DPP4: variants seen among roughly 807,000 people sequenced by gnomAD.
The protein encoded by DPP4 is dipeptidyl peptidase 4, also known as ADCP-2.
A neutral mutation model predicts 122.4 loss-of-function variants in DPP4; 93 were observed. The ratio of observed to expected loss-of-function variants is 0.76; its 90% CI spans 0.64 to 0.90. The LOEUF (loss-of-function observed/expected upper bound fraction) is 0.90. DPP4 is among the 40% of genes least tolerant of loss of function. DPP4 has a pLI of 0.00. For synonymous variants in DPP4, 321 were observed against 302.9 expected, an observed-to-expected ratio of 1.06 and a Z score of -0.62; for missense variants, 914 against 907.3, an observed-to-expected ratio of 1.01 and a Z score of -0.09.
chr2:162,044,239 T>C (rs1163270010), intron 5 of DPP4, among the ~76,000 whole-genome samples: 1 of 152,206 alleles, frequency 6.6e-6, no homozygotes, highest in African/African-American at 2.4e-5. Context: ...AAGATTCCGA[T>C]TCACTTACAG....
chr2:162,043,873 T>A (rs1021882590), intron 5 of DPP4, among the ~76,000 whole-genome samples: 3 of 151,706 alleles, frequency 2.0e-5, no homozygotes, highest in Admixed American at 6.6e-5. Context: ...AAGAAAAAAT[T>A]GAAAATTAGC....
intron 19 of DPP4, 62 bp downstream of exon 19, chr2:162,014,334 G>A (rs1559709121): frequency 1.4e-6 from 2 of 1,380,570 alleles, no homozygotes; most frequent in South Asian, 1.2e-5. Flanking sequence ...TCAGTAAGCT[G>A]CACTGAGAAA....
At chr2:162,043,882 G>T (rs904223156) in intron 5 of DPP4, among the ~76,000 whole-genome samples, 1 of 152,126 alleles carries the variant, frequency 6.6e-6, no homozygotes, top group Non-Finnish European at 1.5e-5. Flanking sequence ...TTGAAAATTA[G>T]CAGGGCATGG....
chr2:162,018,633 T>C, intron 16 of DPP4, 96 bp downstream of exon 16: 1 of 1,476,964 alleles, frequency 6.8e-7, no homozygotes, highest in East Asian at 2.3e-5. Flanking sequence ...ACTTAGGTGA[T>C]TTCAAGAGCT....
chr2:162,037,820 A>G (rs1039634643), intron 8 of DPP4, among the ~76,000 whole-genome samples: 2 of 152,184 alleles, frequency 1.3e-5, no homozygotes, highest in Non-Finnish European at 2.9e-5. Context: ...AAAACAGGAA[A>G]TCATAATTTG....
intron 10 of DPP4, among the ~76,000 whole-genome samples, chr2:162,030,584 CT>C (rs2106114134): frequency 6.6e-6 from 1 of 152,280 alleles, no homozygotes; most frequent in Non-Finnish European, 1.5e-5. Context: ...CGTAACTCAC[CT>C]GGTTTTGCTT....
chr2:162,064,833 A>C (rs748210801), intron 2 of DPP4, among the ~76,000 whole-genome samples: 1 of 152,250 alleles, frequency 6.6e-6, no homozygotes, highest in Non-Finnish European at 1.5e-5. Flanking sequence ...ACTGATTTGC[A>C]ATAAACCCAG....
chr2:162,001,504 T>A (rs1456455406), intron 23 of DPP4, among the ~76,000 whole-genome samples: 2 of 152,218 alleles, frequency 1.3e-5, no homozygotes, highest in African/African-American at 4.8e-5. Flanking sequence ...ACCTACTCTC[T>A]TTTATTTCTC....
intron 2 of DPP4, among the ~76,000 whole-genome samples, chr2:162,060,059 C>A (rs568436595): frequency 8.7e-4 from 132 of 152,280 alleles, no homozygotes; most frequent in Middle Eastern, 6.8e-3. Context: ...TGCACCAAAG[C>A]CACATTTGGA....
intron 2 of DPP4, among the ~76,000 whole-genome samples, chr2:162,051,337 G>A (rs553949901): frequency 6.6e-6 from 1 of 152,260 alleles, no homozygotes; most frequent in East Asian, 1.9e-4. Context: ...TCCTTGCTTT[G>A]ATCAATTGCT....
rs777895339 is a variant in DPP4, at chr2:161,993,252, T to C, written c.*31A>G. 6.5e-7 allele frequency: 1 copy of C among 1,538,242 alleles called. No homozygotes were observed. The highest frequency in any genetic ancestry group is 9.0e-7 in the Non-Finnish European group (1 of 1,111,876). ...TAATGAAAACAAAAATGAGTTTTAA[T>C]AAGCTTTAAATGGCATGGTATTTTG... is the stretch of plus-strand genomic sequence containing the variant. On this transcript the variant is annotated 3_prime_UTR_variant, in exon 26 of 26. Transcript: ENST00000360534.
chr2:162,041,116 ATAT>A (rs1298279242), intron 5 of DPP4, among the ~76,000 whole-genome samples: 5 of 152,164 alleles, frequency 3.3e-5, no homozygotes, highest in Middle Eastern at 3.2e-3. Context: ...GGAAAGATAC[ATAT>A]TAGACTTTAG....
chr2:162,057,416 C>A (rs1481676983), intron 2 of DPP4, among the ~76,000 whole-genome samples: 1 of 152,160 alleles, frequency 6.6e-6, no homozygotes. Context: ...TTCCAAGAAG[C>A]CTCATCTGCA....
chr2:162,032,188 C>T (rs1270375169), intron 10 of DPP4: 2 of 152,148 alleles, frequency 1.3e-5, no homozygotes, highest in Non-Finnish European at 2.9e-5. Flanking sequence ...ATAGCTTGTT[C>T]GTTCAAGCCA....
At chr2:162,027,461 G>C (rs1323228969) in intron 10 of DPP4, among the ~76,000 whole-genome samples, 1 of 152,080 alleles carries the variant, frequency 6.6e-6, no homozygotes, top group Admixed American at 6.5e-5. Flanking sequence ...TGTATCAGTG[G>C]TTACTATTTT....
intron 2 of DPP4, among the ~76,000 whole-genome samples, chr2:162,061,475 A>G (rs765843422): frequency 6.6e-6 from 1 of 152,200 alleles, no homozygotes; most frequent in Non-Finnish European, 1.5e-5. Flanking sequence ...TATTTTGCCA[A>G]TTAATCAAGT....
chr2:162,004,006 G>C, intron 23 of DPP4, among the ~76,000 whole-genome samples: 1 of 152,150 alleles, frequency 6.6e-6, no homozygotes, highest in East Asian at 1.9e-4. Flanking sequence ...GTAAGTTTCT[G>C]AATGGGTGGA....
intron 2 of DPP4, among the ~76,000 whole-genome samples, chr2:162,066,711 G>T (rs1396368003): frequency 1.3e-5 from 2 of 152,190 alleles, no homozygotes; most frequent in African/African-American, 4.8e-5. Flanking sequence ...TGACTGGAAA[G>T]TTCAATATTG....
At chr2:162,029,637 G>A (rs1465470964) in intron 10 of DPP4, among the ~76,000 whole-genome samples, 2 of 152,208 alleles carry the variant, frequency 1.3e-5, no homozygotes, top group East Asian at 1.9e-4. Flanking sequence ...GCCAGGGGTC[G>A]TAACAGTTCA....
Sources: allele counts gnomAD v4.1 joint callset (sites outside exome capture counted in the v4.1 genomes callset), GRCh38; gene constraint gnomAD v4.1.1; transcripts MANE v1.5; gene names NCBI Gene and HGNC (gene_info 2026-07-23, HGNC 2026-07-21).